Variants in SRL observed in about 807,000 individuals in gnomAD.
SRL encodes the protein sarcalumenin.
SRL carries 23 observed loss-of-function variants against 39.5 expected under a neutral mutation model. The ratio of observed to expected loss-of-function variants is 0.58; its 90% CI spans 0.42 to 0.82. SRL has a LOEUF of 0.82. Ranked by LOEUF, SRL falls within the 40% of genes least tolerant of loss-of-function variation. SRL has a pLI of 0.00. For synonymous variants in SRL, 272 were observed against 237.4 expected (o/e 1.15, Z -1.34); for missense variants, 592 against 607.8 (o/e 0.97, Z 0.27).
intron 1 of SRL, among the ~76,000 whole-genome samples, chr16:4,217,037 T>C (rs1181933066): frequency 2.0e-5 from 3 of 152,208 alleles, no homozygotes; most frequent in Non-Finnish European, 4.4e-5. Context: ...GGTCAAGGAA[T>C]CTGGGCCCAC....
Position 4,221,088 on chromosome 16 carries a change from G to A in SRL, c.62-16454C>T, listed in dbSNP as rs558150231. On this transcript the variant is annotated intron_variant, in intron 1 of 5. Transcript: ENST00000399609. ...TTTCGATACGGAGTCTCACTTTGTC[G>A]CTCAGGCTGGAGTGCAGTGGCACTA... 1.7e-4 allele frequency among the ~76,000 whole-genome samples: 26 copies of A among 150,722 alleles called. No individual in the cohort carries two copies. The South Asian group carries it at 3.2e-3, about 18-fold the overall frequency.
intron 4 of SRL, among the ~76,000 whole-genome samples, chr16:4,196,471 C>CTT (rs35980213): frequency 4.0e-5 from 5 of 123,730 alleles, no homozygotes; most frequent in South Asian, 2.6e-4. Context: ...ATTTTGCCTT[C>CTT]TTTTTTTTTT....
chr16:4,206,673 G>A (rs1299350483), intron 1 of SRL: 1 of 456,652 alleles, frequency 2.2e-6, no homozygotes, highest in African/African-American at 2.0e-5. Context: ...AAGACTTCCA[G>A]GGAGAATGCA....
chr16:4,223,000 C>G (rs1462207817), intron 1 of SRL, among the ~76,000 whole-genome samples: 1 of 151,950 alleles, frequency 6.6e-6, no homozygotes, highest in Admixed American at 6.6e-5. Flanking sequence ...GAGGCTGAGG[C>G]GGGAAGATCA....
chr16:4,195,236 G>C (rs1370831999), intron 5 of SRL, among the ~76,000 whole-genome samples: 1 of 151,972 alleles, frequency 6.6e-6, no homozygotes, highest in East Asian at 1.9e-4. Flanking sequence ...TCTCACTCTT[G>C]CCCAGGCTGG....
intron 1 of SRL, among the ~76,000 whole-genome samples, chr16:4,214,427 G>A (rs77076679): frequency 0.03 from 4,576 of 152,230 alleles, 205 homozygotes; most frequent in African/African-American, 0.1. Context: ...AATCCCCAGC[G>A]GGGGCAGGAA....
At chr16:4,205,984 C>T (rs1567178674) in intron 1 of SRL, among the ~76,000 whole-genome samples, 1 of 152,044 alleles carries the variant, frequency 6.6e-6, no homozygotes, top group Non-Finnish European at 1.5e-5. Context: ...TTCAACGAAG[C>T]CTGTGGGGAA....
intron 2 of SRL, among the ~76,000 whole-genome samples, chr16:4,203,828 C>T (rs765775016): frequency 1.2e-4 from 18 of 152,250 alleles, no homozygotes; most frequent in Admixed American, 2.6e-4. Context: ...TCTGTGTGTG[C>T]TCCCTGAGGC....
At chr16:4,229,900 C>A (rs1003372361) in intron 1 of SRL, among the ~76,000 whole-genome samples, 2 of 152,102 alleles carry the variant, frequency 1.3e-5, no homozygotes, top group East Asian at 1.9e-4. Context: ...GAGGGGACTG[C>A]GTGCTGGGGC....
In SRL at chr16:4,189,631, G is replaced by A. The variant is rs1218484917; in HGVS notation, c.*2522C>T. On this transcript the variant is annotated 3_prime_UTR_variant, in exon 6 of 6. Transcript: ENST00000399609. Reference sequence around the variant, plus strand: ...GATGGGCAGGCCTGTGAGCAGCAGAGACAAGAGAAATCAGAGAAGGAACAC... The same window carrying A: ...GATGGGCAGGCCTGTGAGCAGCAGAAACAAGAGAAATCAGAGAAGGAACAC... 1 of 152,240 alleles carries A rather than the reference G, an allele frequency of 6.6e-6. No homozygotes were observed. The highest frequency in any genetic ancestry group is 2.4e-5 in the African/African-American group (1 of 41,424). 9.4% of individuals were successfully genotyped at this position (152,240 alleles called of 1,614,324 possible). A position where few individuals can be genotyped will look rare whatever the true frequency, so the allele number is the denominator to read the frequency against.
chr16:4,210,328 G>T (rs1344401940), intron 1 of SRL, among the ~76,000 whole-genome samples: 1 of 152,116 alleles, frequency 6.6e-6, no homozygotes, highest in Non-Finnish European at 1.5e-5. Flanking sequence ...CCTCTGAACA[G>T]CAGGATACGT....
intron 4 of SRL, among the ~76,000 whole-genome samples, chr16:4,196,302 G>A (rs1216881248): frequency 4.3e-4 from 66 of 151,928 alleles, no homozygotes; most frequent in Non-Finnish European, 1.5e-5. Context: ...CAGTTCAGTG[G>A]CATTAAGCAC....
At position 4,195,543 on chromosome 16, in the gene SRL, G is replaced by A. The variant is rs1294299158; in HGVS notation, c.610+10C>T. On this transcript the variant is annotated intron_variant, in intron 5 of 5. Transcript: ENST00000399609. ...GAGCTTACACTGTTCAGAAATGAGG[G>A]CTAAATTACCTCTTTCTTGCTGCTT... is the stretch of plus-strand genomic sequence containing the variant. The A allele has an allele frequency of 5.6e-6, 9 of 1,612,930 alleles. No individual in the cohort carries two copies. The highest frequency in any genetic ancestry group is 3.3e-5 in the Admixed American group (2 of 59,976).
intron 1 of SRL, among the ~76,000 whole-genome samples, chr16:4,227,390 T>C (rs948731938): frequency 4.0e-5 from 6 of 150,776 alleles, no homozygotes; most frequent in African/African-American, 1.5e-4. Flanking sequence ...GATGGATAGA[T>C]GAATGGAGAG....
At chr16:4,219,882 C>T (rs1016423834) in intron 1 of SRL, among the ~76,000 whole-genome samples, 1 of 151,978 alleles carries the variant, frequency 6.6e-6, no homozygotes, top group Non-Finnish European at 1.5e-5. Flanking sequence ...CACCAAGAGA[C>T]AAAGGACAGT....
intron 4 of SRL, among the ~76,000 whole-genome samples, chr16:4,196,369 C>A (rs2052142440): frequency 6.6e-6 from 1 of 152,110 alleles, no homozygotes. Context: ...TTTTATCTTC[C>A]CAACTGAAAA....
intron 5 of SRL, 68 bp downstream of exon 5, chr16:4,195,485 A>C: frequency 6.8e-7 from 1 of 1,479,902 alleles, no homozygotes; most frequent in South Asian, 1.2e-5. Context: ...GGCATGAGCC[A>C]TCATGCCTGG....
intron 1 of SRL, among the ~76,000 whole-genome samples, chr16:4,227,095 A>C (rs935842991): frequency 6.7e-6 from 1 of 148,942 alleles, no homozygotes; most frequent in Non-Finnish European, 1.5e-5. Context: ...GAACAGATGG[A>C]TGGATGGATA....
At chr16:4,195,316 C>A (rs1341159404) in intron 5 of SRL, among the ~76,000 whole-genome samples, 1 of 152,172 alleles carries the variant, frequency 6.6e-6, no homozygotes, top group East Asian at 1.9e-4. Context: ...CCCACCTCAG[C>A]CTCCTGGGTA....
Sources: gnomAD v4.1 joint callset for allele counts (sites outside exome capture counted in the v4.1 genomes callset) on GRCh38, gnomAD v4.1.1 for gene constraint, MANE v1.5 for transcripts, NCBI Gene and HGNC (gene_info 2026-07-23, HGNC 2026-07-21) for gene names.